The following GDPD2 variants were observed in gnomAD, a reference collection of about 807,000 sequenced individuals.
GDPD2 encodes the protein glycerophosphodiester phosphodiesterase 3.
In GDPD2, 23 loss-of-function variants were observed where a neutral mutation model predicts 49.2. The ratio of observed to expected loss-of-function variants is 0.47; its 90% confidence interval spans 0.34 to 0.66. The LOEUF is 0.66. GDPD2 is among the 30% of genes least tolerant of loss of function. The pLI, the probability that GDPD2 is intolerant of heterozygous loss-of-function variation, is 0.01. For synonymous variants in GDPD2, 167 were observed against 171.4 expected, an observed-to-expected ratio of 0.97 and a Z score of 0.20; for missense variants, 338 against 424.7, an observed-to-expected ratio of 0.80 and a Z score of 1.79.
rs1335851236 is a variant in GDPD2, at chrX:70,426,629, C to A, written c.463-19C>A. On this transcript the variant is annotated intron_variant, in intron 6 of 15. Transcript: ENST00000374382. ...AGGGGCACTGGAGAAGAGCCCACCTCACCAGCTCTTGTCCACAGGCCACAG... is the reference window on the plus strand; with the variant it reads ...AGGGGCACTGGAGAAGAGCCCACCTAACCAGCTCTTGTCCACAGGCCACAG... 2 of 1,171,025 alleles carry A rather than the reference C, an allele frequency of 1.7e-6. No individual in the cohort carries two copies. The highest frequency in any genetic ancestry group is 2.3e-6 in the Non-Finnish European group (2 of 861,342).
intron 12 of GDPD2, among the ~76,000 whole-genome samples, chrX:70,430,720 G>GGTCC (rs2086468109): frequency 8.9e-6 from 1 of 111,764 alleles, no homozygotes; most frequent in Non-Finnish European, 1.9e-5. Context: ...CCTCTTATAA[G>GGTCC]GTCCTTGTGT....
At position 70,429,491 on chromosome X, in the gene GDPD2, A is replaced by G; in HGVS notation, c.937-2A>G. 8.5e-7 allele frequency: 1 copy of G among 1,174,358 alleles called. No homozygotes were observed. Among genetic ancestry groups the G allele is most frequent in the Non-Finnish European group, 1.2e-6 (1 of 864,720 alleles). ...TCTTGAAATAATTGTTCTTTCTTAT[A>G]GAGGCGACCCTTCTGGGGGGCCAAA... On this transcript the variant is annotated splice_acceptor_variant, in intron 10 of 15. Transcript: ENST00000374382. LOFTEE classifies it high-confidence loss of function.
intron 1 of GDPD2, 24 bp from the exon 2 acceptor site, chrX:70,424,952 A>T (rs1390390817): frequency 9.9e-7 from 1 of 1,010,304 alleles, no homozygotes; most frequent in African/African-American, 1.9e-5. Context: ...AGGGTCCCTG[A>T]TGGTCGAGTG....
chrX:70,427,281 G>A (rs1189736913), intron 9 of GDPD2, 32 bp from the exon 10 acceptor site: 3 of 1,207,383 alleles, frequency 2.5e-6, no homozygotes, highest in African/African-American at 3.5e-5. Context: ...CAGCCCCAGA[G>A]CTTGGCCCTC....
chrX:70,427,105 C>G (rs150116561), intron 8 of GDPD2, 32 bp from the exon 9 acceptor site: 2 of 1,178,163 alleles, frequency 1.7e-6, no homozygotes, highest in Non-Finnish European at 2.3e-6. Flanking sequence ...CCCACCCTTC[C>G]CTGCTACCTC....
intron 1 of GDPD2, among the ~76,000 whole-genome samples, chrX:70,423,814 C>G (rs1415536194): frequency 1.8e-5 from 2 of 110,989 alleles, no homozygotes; most frequent in Non-Finnish European, 3.8e-5. Flanking sequence ...TCCTGCTTAC[C>G]GGACCCACCC....
In GDPD2 at chrX:70,425,868, G is replaced by C. The variant is rs75286782; in HGVS notation, c.303+12G>C. ...CATCCTTGCTATTGGTGGGTCCGGAGGCCGCTGGCCTAACCCCACCTCAGC... is the reference window on the plus strand; with the variant it reads ...CATCCTTGCTATTGGTGGGTCCGGACGCCGCTGGCCTAACCCCACCTCAGC... On this transcript the variant is annotated intron_variant, in intron 4 of 15. Transcript: ENST00000374382. The C allele has an allele frequency of 3.5e-4, 365 of 1,051,714 alleles. 1 individual carries two copies. In the African/African-American group the frequency reaches 6.0e-3, roughly 17 times the overall value. The allele number at this position is 1,051,714 out of a possible 1,213,427, so 86.7% of individuals were successfully genotyped here. A position where few individuals can be genotyped will look rare whatever the true frequency, so the allele number is the denominator to read the frequency against.
Position 70,425,786 on chromosome X carries a change from A to G in GDPD2, c.233A>G (p.His78Arg), listed in dbSNP as rs773680456. 19 of 1,186,794 alleles carry G rather than the reference A, an allele frequency of 1.6e-5. No homozygotes were observed. The highest frequency in any genetic ancestry group is 2.2e-5 in the Non-Finnish European group (19 of 876,906). ...FNEFLFRRWG[H>R]WMDWSLAFLL... ...AGATTCCTCTTCCGCCGCTGGGGAC[A>G]CTGGATGGACTGGTCCCTGGCATTC... is the stretch of plus-strand genomic sequence containing the variant. Residue 78 changes from histidine (H) to arginine (R), a missense_variant, in exon 4 of 16, where the codon CAC (histidine) becomes CGC (arginine). Coordinates refer to ENST00000374382, the MANE Select transcript of GDPD2 (RefSeq NM_017711.4).
intron 2 of GDPD2, 73 bp downstream of exon 2, chrX:70,425,162 T>C (rs985135356): frequency 3.9e-6 from 3 of 776,014 alleles, no homozygotes; most frequent in Middle Eastern, 2.9e-4. Context: ...AGGAGGCCAA[T>C]TGTGCTCATA....
Position 70,425,756 on chromosome X carries a change from C to T in GDPD2, c.210-7C>T, listed in dbSNP as rs758643090. Reference sequence around the variant, plus strand: ...CCACTTGGACACCTCCCTCTCCCCTCCCACAGATTCCTCTTCCGCCGCTGG... The same window carrying T: ...CCACTTGGACACCTCCCTCTCCCCTTCCACAGATTCCTCTTCCGCCGCTGG... On this transcript the variant is annotated splice_region_variant and splice_polypyrimidine_tract_variant and intron_variant, in intron 3 of 15. Transcript: ENST00000374382. The T allele has an allele frequency of 2.6e-6, 3 of 1,147,296 alleles. No homozygotes were observed. In the South Asian group the frequency reaches 5.4e-5, roughly 21 times the overall value. 94.6% of individuals were successfully genotyped at this position (1,147,296 alleles called of 1,213,427 possible).
chrX:70,425,980 C>A lies in GDPD2; in HGVS notation c.304-72C>A, dbSNP rs1296444195. ...TTCTTGGGTAGGAGGGAAGTACCAG[C>A]CTGGGAAGCCCACCTCAGTAACCTT... On this transcript the variant is annotated intron_variant, in intron 4 of 15. Transcript: ENST00000374382. 9 of 963,018 alleles carry A rather than the reference C, an allele frequency of 9.3e-6. No individual in the cohort carries two copies. The East Asian group carries it at 2.4e-4, about 26-fold the overall frequency. The allele number at this position is 963,018 out of a possible 1,213,427, so 79.4% of individuals were successfully genotyped here.
chrX:70,429,814 C>A, intron 11 of GDPD2, 100 bp downstream of exon 11: 1 of 1,077,822 alleles, frequency 9.3e-7, no homozygotes, highest in Non-Finnish European at 1.3e-6. Context: ...CCTGCCCCAG[C>A]TCACATACCC....
At position 70,425,380 on chromosome X, in the gene GDPD2, C is replaced by T. The variant is rs45513993; in HGVS notation, c.132C>T (p.Leu44=). 0.073 allele frequency: 87,571 copies of T among 1,200,517 alleles called. 2,600 individuals are homozygous for T. The highest frequency in any genetic ancestry group is 0.094 in the Middle Eastern group (409 of 4,333). The change falls in exon 3 of 16, where the codon CTC becomes CTT. Residue 44 remains leucine (L), a synonymous_variant. Coordinates refer to ENST00000374382, the MANE Select transcript of GDPD2 (RefSeq NM_017711.4). ...GCGACTGTATCTGGTTTGGCCTGCT[C>T]TTCCTCACCTTCCTCCTTTCCCTGA... The part of the protein sequence containing the change: ...SKCDCIWFGL[L]FLTFLLSLSW...
intron 6 of GDPD2, 23 bp from the exon 7 acceptor site, chrX:70,426,625 A>G (rs745602670): frequency 1.0e-5 from 12 of 1,152,455 alleles, no homozygotes; most frequent in Admixed American, 4.5e-5. Flanking sequence ...AGAAGAGCCC[A>G]CCTCACCAGC....
chrX:70,427,551 C>T (rs2086437397), intron 10 of GDPD2, 88 bp downstream of exon 10: 2 of 784,322 alleles, frequency 2.5e-6, no homozygotes, highest in Non-Finnish European at 3.7e-6. Context: ...TTTGCTCAGC[C>T]CTGTGCTAGG....
rs764533323 is a variant in GDPD2 at position 70,426,978 on chromosome X, G to A, written c.669G>A (p.Lys223=). Residue 223 remains lysine (K), a synonymous_variant, in exon 8 of 16, where the codon AAG becomes AAA. Coordinates refer to ENST00000374382, the MANE Select transcript of GDPD2 (RefSeq NM_017711.4). ...TGGAACCCAGAGACTTACCACCCAA[G>A]CCTGGGCTGGTGGGACACCGAGGGG... is the stretch of plus-strand genomic sequence containing the variant. The part of the protein sequence containing the change: ...CIMEPRDLPP[K]PGLVGHRGAP... 8 of 1,211,135 alleles carry A rather than the reference G, an allele frequency of 6.6e-6. No homozygotes were observed. The South Asian group carries it at 1.4e-4, about 21-fold the overall frequency.
chrX:70,427,032 T>A, intron 8 of GDPD2, 21 bp downstream of exon 8: 1 of 978,980 alleles, frequency 1.0e-6, no homozygotes, highest in Non-Finnish European at 1.4e-6. Context: ...GACAGAATGC[T>A]GGGAGGGTGG....
In GDPD2 at chrX:70,425,778, C is replaced by G. The variant is rs201113755; in HGVS notation, c.225C>G (p.Arg75=). The G allele has an allele frequency of 3.0e-4, 351 of 1,184,898 alleles. No individual in the cohort carries two copies. The highest frequency in any genetic ancestry group is 3.7e-4 in the Non-Finnish European group (319 of 873,563). ...CCTCCCACAGATTCCTCTTCCGCCG[C>G]TGGGGACACTGGATGGACTGGTCCC... ...LHNFNEFLFR[R]WGHWMDWSLA... Residue 75 remains arginine (R), a synonymous_variant, in exon 4 of 16, where the codon CGC becomes CGG. Transcript: ENST00000374382.
Position 70,423,855 on chromosome X carries a change from C to T in GDPD2, c.-10+473C>T, listed in dbSNP as rs144104998. On this transcript the variant is annotated intron_variant, in intron 1 of 15. Transcript: ENST00000374382. Reference sequence around the variant, plus strand: ...GCACCCCTCTAAGACTCCATAGCCTCGGGAGAGCTCTGAGGACAAGAGGTC... The same window carrying T: ...GCACCCCTCTAAGACTCCATAGCCTTGGGAGAGCTCTGAGGACAAGAGGTC... Among the ~76,000 whole-genome samples the T allele has an allele frequency of 4.2e-3, 462 of 111,309 alleles. 1 individual carries two copies. The highest frequency in any genetic ancestry group is 0.015 in the African/African-American group (444 of 30,609).
Sources: allele counts gnomAD v4.1 joint callset (sites outside exome capture counted in the v4.1 genomes callset), GRCh38; gene constraint gnomAD v4.1.1; transcripts MANE v1.5; gene names NCBI Gene and HGNC (gene_info 2026-07-23, HGNC 2026-07-21).